Variants in PDE1C observed in about 807,000 individuals in gnomAD.
PDE1C encodes the protein phosphodiesterase 1C.
Under a neutral mutation model 93.1 loss-of-function variants are expected in PDE1C, and 62 were observed. The observed-to-expected ratio is 0.67, with a 90% confidence interval of 0.54 to 0.82. PDE1C has a LOEUF of 0.82. Among genes scored for constraint, PDE1C ranks in the 40% least tolerant of loss-of-function variants. The pLI is 0.00. For missense variants in PDE1C, 742 were observed against 884.6 expected (o/e 0.84, Z 2.04); for synonymous variants, 325 against 310.1 (o/e 1.05, Z -0.50).
chr7:31,923,934 T>C (rs1802997949), intron 2 of PDE1C, among the ~76,000 whole-genome samples: 1 of 152,250 alleles, frequency 6.6e-6, no homozygotes. Flanking sequence ...ATAGGTGTTA[T>C]AATTTCTACT....
At chr7:31,874,263 G>A (rs1013990542) in intron 5 of PDE1C, among the ~76,000 whole-genome samples, 6 of 152,190 alleles carry the variant, frequency 3.9e-5, no homozygotes, top group Admixed American at 2.6e-4. Flanking sequence ...AATACAGTCT[G>A]TTGAGCTTTG....
chr7:32,084,546 T>A, intron 3 of PDE1C, among the ~76,000 whole-genome samples: 1 of 151,554 alleles, frequency 6.6e-6, no homozygotes, highest in Non-Finnish European at 1.5e-5. Flanking sequence ...CAACAGAATA[T>A]ACATTTTTTT....
intron 17 of PDE1C, among the ~76,000 whole-genome samples, chr7:31,756,092 A>C (rs1794448082): frequency 6.6e-6 from 1 of 152,108 alleles, no homozygotes; most frequent in Admixed American, 6.6e-5. Flanking sequence ...GAATCGCTTG[A>C]ACCTGGGAGG....
At chr7:32,052,826 C>T (rs1793573505) in intron 1 of PDE1C, among the ~76,000 whole-genome samples, 1 of 152,114 alleles carries the variant, frequency 6.6e-6, no homozygotes, top group African/African-American at 2.4e-5. Flanking sequence ...TATCTATTTA[C>T]CTGAAAGGAG....
At chr7:31,693,277 G>A in the PDE1C span, among the ~76,000 whole-genome samples, 2 of 152,204 alleles carry the variant, frequency 1.3e-5, no homozygotes, top group Non-Finnish European at 1.5e-5. Context: ...GGGTTGAATT[G>A]TAGCCCATGA....
chr7:31,920,198 T>C (rs192205965), intron 2 of PDE1C, among the ~76,000 whole-genome samples: 1 of 152,248 alleles, frequency 6.6e-6, no homozygotes, highest in East Asian at 1.9e-4. Context: ...AACTCCCTGG[T>C]ACTAGTACTG....
the PDE1C span, among the ~76,000 whole-genome samples, chr7:31,730,837 AAAGAT>A: frequency 6.6e-6 from 1 of 152,052 alleles, no homozygotes. Flanking sequence ...GAAGAAATGT[AAAGAT>A]AAGATGACAA....
intron 2 of PDE1C, among the ~76,000 whole-genome samples, chr7:31,954,595 T>C (rs929606): frequency 0.42 from 64,257 of 152,084 alleles, 15,288 homozygotes; most frequent in Non-Finnish European, 0.54. Context: ...ACTGTGAAGA[T>C]TGCCAAGGAT....
In PDE1C at chr7:32,227,885, G is replaced by C. The variant is rs1355605645; in HGVS notation, c.86-18346C>G. Among the ~76,000 whole-genome samples the C allele has an allele frequency of 3.3e-5, 5 of 152,302 alleles. No individual in the cohort carries two copies. The East Asian group carries it at 9.7e-4, about 29-fold the overall frequency. ...CCTGGGGAGGGGTGCATCTGGGGAA[G>C]AACAGAGGCCTCCTGCCAAAAGCCA... is the stretch of plus-strand genomic sequence containing the variant. On this transcript the variant is annotated intron_variant, in intron 1 of 18. Transcript: ENST00000396193.
At chr7:31,912,207 A>C (rs1801329275) in intron 2 of PDE1C, among the ~76,000 whole-genome samples, 1 of 152,156 alleles carries the variant, frequency 6.6e-6, no homozygotes, top group Non-Finnish European at 1.5e-5. Flanking sequence ...AAGAAGAGAG[A>C]ATTCTACTTC....
In PDE1C at chr7:32,316,671, G is replaced by A. The variant is rs115597450; in HGVS notation, c.311-107132C>T. Among the ~76,000 whole-genome samples the A allele has an allele frequency of 3.9e-3, 593 of 152,242 alleles. 6 individuals are homozygous for A. The highest frequency in any genetic ancestry group is 0.013 in the African/African-American group (556 of 41,542). On this transcript the variant is annotated intron_variant, in intron 1 of 1. Coordinates refer to the PDE1C transcript ENST00000672256. ...TCAGAATTACAAGCAAGTTTTTCCC[G>A]ATGTTGATTACACTGTTGCCCAAAA... is the stretch of plus-strand genomic sequence containing the variant.
intron 1 of PDE1C, among the ~76,000 whole-genome samples, chr7:32,267,600 T>A (rs935020225): frequency 6.9e-6 from 1 of 145,034 alleles, no homozygotes; most frequent in African/African-American, 2.7e-5. Context: ...TCTCTCTCTC[T>A]CTCTCTCTCT....
At chr7:31,662,797 T>C in the PDE1C span, among the ~76,000 whole-genome samples, 10 of 152,356 alleles carry the variant, frequency 6.6e-5, no homozygotes, top group East Asian at 1.5e-3. Context: ...GCCTTGATTC[T>C]GCCCTTTTTA....
intron 3 of PDE1C, among the ~76,000 whole-genome samples, chr7:32,079,065 G>C (rs1006021829): frequency 6.6e-6 from 1 of 152,288 alleles, no homozygotes; most frequent in Non-Finnish European, 1.5e-5. Flanking sequence ...GATTTTCGAA[G>C]GTTGTTTTTG....
intron 1 of PDE1C, among the ~76,000 whole-genome samples, chr7:32,258,491 G>A (rs1809965695): frequency 6.6e-6 from 1 of 152,146 alleles, no homozygotes; most frequent in Admixed American, 6.5e-5. Flanking sequence ...GCACGTGGGG[G>A]TGACTGATGT....
At chr7:32,378,913 T>A (rs1183692005) in intron 1 of PDE1C, among the ~76,000 whole-genome samples, 2 of 152,246 alleles carry the variant, frequency 1.3e-5, no homozygotes. Flanking sequence ...TTTATTGCAA[T>A]GCTGTGGTCT....
intron 1 of PDE1C, among the ~76,000 whole-genome samples, chr7:32,293,816 G>C (rs1283530938): frequency 6.6e-6 from 1 of 152,152 alleles, no homozygotes; most frequent in Non-Finnish European, 1.5e-5. Context: ...TGGGTTCTTT[G>C]CTCCCTGCCA....
intron 1 of PDE1C, among the ~76,000 whole-genome samples, chr7:32,216,133 G>T (rs866676617): frequency 2.6e-5 from 4 of 152,188 alleles, no homozygotes; most frequent in Middle Eastern, 3.2e-3. Context: ...AACTTGCAAA[G>T]ACCCAAGCAA....
chr7:31,981,271 A>G (rs2129059632), intron 2 of PDE1C, among the ~76,000 whole-genome samples: 1 of 152,340 alleles, frequency 6.6e-6, no homozygotes, highest in South Asian at 2.1e-4. Flanking sequence ...AGCATAGAAA[A>G]GAATTTTTAA....
Sources: allele counts gnomAD v4.1 joint callset (sites outside exome capture counted in the v4.1 genomes callset), GRCh38; gene constraint gnomAD v4.1.1; transcripts MANE v1.5; gene names NCBI Gene and HGNC (gene_info 2026-07-23, HGNC 2026-07-21).